Variants in ENY2 observed in about 807,000 individuals in gnomAD.
ENY2 encodes transcription and mRNA export factor ENY2.
Under a neutral mutation model 15.9 loss-of-function variants are expected in ENY2, and 4 were observed. The ratio of observed to expected loss-of-function variants is 0.25; its 90% CI spans 0.12 to 0.57. The LOEUF (loss-of-function observed/expected upper bound fraction) is 0.57. Among genes scored for constraint, ENY2 ranks in the 20% least tolerant of loss-of-function variants. The probability of loss-of-function intolerance (pLI) is 0.91; values close to 1 mark genes in which losing one functional copy is unlikely to be tolerated. For synonymous variants in ENY2, 48 were observed against 38.0 expected (o/e 1.26, Z -0.97); for missense variants, 54 against 117.2 (o/e 0.46, Z 2.49).
rs559409584 is a variant in ENY2 at position 109,344,482 on chromosome 8, C to T, written c.*1001C>T. On this transcript the variant is annotated 3_prime_UTR_variant, in exon 5 of 5. Coordinates refer to ENST00000521688, the MANE Select transcript of ENY2 (RefSeq NM_020189.6). ...TCCAAACCAGACTTCATCCTAGCCT[C>T]CACACCCAGACACCCAACTGCTATG... is the stretch of plus-strand genomic sequence containing the variant. 6.6e-6 allele frequency: 1 copy of T among 152,386 alleles called. No individual in the cohort carries two copies. The highest frequency in any genetic ancestry group is 6.5e-5 in the Admixed American group (1 of 15,294). The allele number at this position is 152,386 out of a possible 1,614,324, so 9.4% of individuals were successfully genotyped here. A position where few individuals can be genotyped will look rare whatever the true frequency, so the allele number is the denominator to read the frequency against.
rs1378144814 is a variant in ENY2 at position 109,344,128 on chromosome 8, C to CCCAT, written c.*648_*651dup. ...AGAACTTAATGGGAATTAATCTCCA[C>CCCAT]CCATTAGCTTTACCCTGACATCAGG... On this transcript the variant is annotated 3_prime_UTR_variant, in exon 5 of 5. Transcript: ENST00000521688. 3 of 152,108 alleles carry CCCAT rather than the reference C, an allele frequency of 2.0e-5. No individual in the cohort carries two copies. Among genetic ancestry groups the CCCAT allele is most frequent in the African/African-American group, 7.3e-5 (3 of 41,354 alleles). 9.4% of individuals were successfully genotyped at this position (152,108 alleles called of 1,614,324 possible). A position where few individuals can be genotyped will look rare whatever the true frequency, so the allele number is the denominator to read the frequency against.
At position 109,334,734 on chromosome 8, in the gene ENY2, T is replaced by A. The variant is rs1815919580; in HGVS notation, c.6+260T>A. 7.6e-6 allele frequency: 4 copies of A among 525,446 alleles called. No individual in the cohort carries two copies. In the African/African-American group the frequency reaches 8.0e-5, roughly 10 times the overall value. The allele number at this position is 525,446 out of a possible 1,614,324, so 32.5% of individuals were successfully genotyped here. The stretch of plus-strand genomic sequence containing the variant: ...GGGAGGGATACCCTAGCGCCCTTGT[T>A]TTACCAGTGAGAAAACTGAGGCCTT... On this transcript the variant is annotated intron_variant, in intron 1 of 4. Transcript: ENST00000521688.
At chr8:109,341,897 T>G (rs1278663688) in intron 4 of ENY2, among the ~76,000 whole-genome samples, 1 of 152,192 alleles carries the variant, frequency 6.6e-6, no homozygotes, top group African/African-American at 2.4e-5. Context: ...CCCATCTTAT[T>G]TCAAGGCAAC....
intron 4 of ENY2, chr8:109,342,818 T>C: frequency 1.7e-6 from 1 of 595,112 alleles, no homozygotes; most frequent in Non-Finnish European, 3.0e-6. Context: ...CAGTATATTA[T>C]TGACCTTTGT....
chr8:109,341,397 T>C (rs957138365), intron 4 of ENY2, among the ~76,000 whole-genome samples: 4 of 152,136 alleles, frequency 2.6e-5, no homozygotes, highest in Non-Finnish European at 5.9e-5. Flanking sequence ...CAGCCATCTC[T>C]TTAGGCCTGT....
rs1180258759 is a variant in ENY2 at position 109,344,237 on chromosome 8, C to G, written c.*756C>G. ...ATGTTGACCATCCTGCCACTTGGAA[C>G]TCTCTTCCCACTCCTCACATTGCTT... On this transcript the variant is annotated 3_prime_UTR_variant, in exon 5 of 5. Transcript: ENST00000521688. 6.6e-6 allele frequency: 1 copy of G among 152,332 alleles called. No homozygotes were observed. The highest frequency in any genetic ancestry group is 2.4e-5 in the African/African-American group (1 of 41,452). The allele number at this position is 152,332 out of a possible 1,614,324, so 9.4% of individuals were successfully genotyped here.
chr8:109,336,022 C>A, intron 1 of ENY2, 106 bp from the exon 2 acceptor site: 3 of 941,240 alleles, frequency 3.2e-6, no homozygotes, highest in Non-Finnish European at 4.9e-6. Flanking sequence ...AATGTATCAC[C>A]CCTTCAGTTA....
intron 1 of ENY2, chr8:109,335,648 A>G (rs1192584858): frequency 1.3e-5 from 2 of 152,690 alleles, no homozygotes; most frequent in African/African-American, 4.8e-5. Flanking sequence ...GGTGTGACCC[A>G]CTGTGCCCGG....
intron 3 of ENY2, 61 bp from the exon 4 acceptor site, chr8:109,340,428 A>G (rs760002044): frequency 1.4e-5 from 23 of 1,598,062 alleles, no homozygotes; most frequent in Non-Finnish European, 3.4e-6. Flanking sequence ...TTCCTCTATG[A>G]AAATCTTTCT....
Position 109,343,625 on chromosome 8 carries a change from T to A in ENY2, c.*144T>A. On this transcript the variant is annotated 3_prime_UTR_variant, in exon 5 of 5. Transcript: ENST00000521688. ...TGATGTATACATTGTATTGATTTTT[T>A]TCCCTAAATGTGTTATTTTAATAAA... 1.8e-6 allele frequency: 1 copy of A among 560,548 alleles called. No individual in the cohort carries two copies. Among genetic ancestry groups the A allele is most frequent in the South Asian group, 3.9e-5 (1 of 25,544 alleles). 34.7% of individuals were successfully genotyped at this position (560,548 alleles called of 1,614,324 possible). A position where few individuals can be genotyped will look rare whatever the true frequency, so the allele number is the denominator to read the frequency against.
In ENY2 at chr8:109,335,976, T is replaced by G. The variant is rs1188803943; in HGVS notation, c.7-152T>G. The G allele has an allele frequency of 1.1e-5, 7 of 663,660 alleles. No individual in the cohort carries two copies. The East Asian group carries it at 1.7e-4, about 16-fold the overall frequency. The allele number at this position is 663,660 out of a possible 1,614,324, so 41.1% of individuals were successfully genotyped here. A position where few individuals can be genotyped will look rare whatever the true frequency, so the allele number is the denominator to read the frequency against. Reference sequence around the variant, plus strand: ...TAGCCCAGTGCCAAGCACATAAGTGTTTAATAAAGAGTAATGATATTATTA... The same window carrying G: ...TAGCCCAGTGCCAAGCACATAAGTGGTTAATAAAGAGTAATGATATTATTA... On this transcript the variant is annotated intron_variant, in intron 1 of 4. Transcript: ENST00000521688.
chr8:109,336,281 G>T, intron 2 of ENY2, 77 bp downstream of exon 2: 3 of 1,173,846 alleles, frequency 2.6e-6, no homozygotes, highest in Non-Finnish European at 3.7e-6. Flanking sequence ...AACAAGAAAT[G>T]AAACATGTCA....
chr8:109,334,836 A>G (rs1815923251), intron 1 of ENY2: 2 of 344,140 alleles, frequency 5.8e-6, no homozygotes, highest in Admixed American at 4.5e-5. Flanking sequence ...ATATTCCAGG[A>G]GTGGTACTGA....
rs752250813 is a variant in ENY2, at chr8:109,334,487, C to G, written c.6+13C>G. On this transcript the variant is annotated intron_variant, in intron 1 of 4. Transcript: ENST00000521688. ...CGCGGTGATGGTGGTGAGCTATGCCCGTGGTCCTCAGGGCCGGGACCCGGG... is the reference window on the plus strand; with the variant it reads ...CGCGGTGATGGTGGTGAGCTATGCCGGTGGTCCTCAGGGCCGGGACCCGGG... 1 of 1,613,022 alleles carries G rather than the reference C, an allele frequency of 6.2e-7. No homozygotes were observed. Among genetic ancestry groups the G allele is most frequent in the Non-Finnish European group, 8.5e-7 (1 of 1,179,678 alleles).
At chr8:109,342,511 A>G (rs1816142421) in intron 4 of ENY2, among the ~76,000 whole-genome samples, 1 of 113,642 alleles carries the variant, frequency 8.8e-6, no homozygotes, top group Non-Finnish European at 1.7e-5. Flanking sequence ...AAATATATAT[A>G]CCCTTTTTTT....
intron 1 of ENY2, 181 bp downstream of exon 1, chr8:109,334,655 C>T (rs1388868192): frequency 3.1e-6 from 2 of 636,620 alleles, no homozygotes; most frequent in East Asian, 3.1e-5. Flanking sequence ...TCCTCCTCTC[C>T]CGCCTCTCCC....
At chr8:109,339,777 T>TA (rs555266304) in intron 3 of ENY2, 37 of 162,416 alleles carry the variant, frequency 2.3e-4, no homozygotes, top group Non-Finnish European at 3.4e-4. Flanking sequence ...AGAATGCACT[T>TA]AAAAAAAAAG....
At position 109,343,492 on chromosome 8, in the gene ENY2, G is replaced by T; in HGVS notation, c.*11G>T. ...CATGCCAGCCTTTAAGATTGAATTA[G>T]ATTGTGTTGTTGTGGTTTTATTTCT... On this transcript the variant is annotated 3_prime_UTR_variant, in exon 5 of 5. Coordinates refer to ENST00000521688, the MANE Select transcript of ENY2 (RefSeq NM_020189.6). 6.2e-7 allele frequency: 1 copy of T among 1,603,246 alleles called. No homozygotes were observed. Among genetic ancestry groups the T allele is most frequent in the South Asian group, 1.1e-5 (1 of 88,254 alleles).
Position 109,336,148 on chromosome 8 carries a change from T to G in ENY2, c.27T>G (p.Asp9Glu), listed in dbSNP as rs1442594264. ...TCCAGGTTAGCAAGATGAACAAAGA[T>G]GCGCAGATGAGAGCAGCGATTAACC... MVVSKMNK[D>E]AQMRAAINQK... is the part of the protein sequence containing the mutation. The change falls in exon 2 of 5, where the codon GAT (aspartate) becomes GAG (glutamate). Residue 9 changes from aspartate (D) to glutamate (E), a missense_variant. By Grantham distance (45) the Asp-to-Glu change is conservative. Transcript: ENST00000521688. 1 of 1,613,502 alleles carries G rather than the reference T, an allele frequency of 6.2e-7. No homozygotes were observed. The highest frequency in any genetic ancestry group is 8.5e-7 in the Non-Finnish European group (1 of 1,179,650).
Sources: gnomAD v4.1 joint callset for allele counts (sites outside exome capture counted in the v4.1 genomes callset) on GRCh38, gnomAD v4.1.1 for gene constraint, MANE v1.5 for transcripts, NCBI Gene and HGNC (gene_info 2026-07-23, HGNC 2026-07-21) for gene names.